CNOT1: variants seen among roughly 807,000 people sequenced by gnomAD.
The protein encoded by CNOT1 is CCR4-NOT transcription complex subunit 1.
Under a neutral mutation model 273.8 loss-of-function variants are expected in CNOT1, and 15 were observed. That is an observed-to-expected ratio of 0.05 (90% CI 0.04 to 0.08). The LOEUF (loss-of-function observed/expected upper bound fraction) is 0.08, where lower values mean the gene tolerates loss of function less well. CNOT1 is among the 10% of genes least tolerant of loss of function. The pLI, the probability that CNOT1 is intolerant of heterozygous loss-of-function variation, is 1.00. For synonymous variants in CNOT1, 1,022 were observed against 1,005.5 expected (o/e 1.02, Z -0.31); for missense variants, 1,644 against 2,912.2 (o/e 0.56, Z 10.02).
Position 58,560,376 on chromosome 16 carries a change from G to GA in CNOT1, c.1980-15dup. 5.0e-6 allele frequency: 8 copies of GA among 1,608,482 alleles called. No individual in the cohort carries two copies. Among genetic ancestry groups the GA allele is most frequent in the Non-Finnish European group, 6.8e-6 (8 of 1,178,300 alleles). ...TGAGAAACACTCCTAAAATAGAGGG[G>GA]AAAAGGTAAAAAATATCAGTTCCTA... On this transcript the variant is annotated splice_polypyrimidine_tract_variant and intron_variant, in intron 16 of 48. Coordinates refer to ENST00000317147, the MANE Select transcript of CNOT1 (RefSeq NM_016284.5).
At chr16:58,542,591 G>A (rs1370760498) in intron 31 of CNOT1, 23 bp from the exon 32 acceptor site, 5 of 1,468,998 alleles carry the variant, frequency 3.4e-6, no homozygotes, top group Non-Finnish European at 2.8e-6. Context: ...GTGGGTGGGG[G>A]GGTGGGGGGA....
At chr16:58,598,795 C>T (rs528966077) in intron 2 of CNOT1, among the ~76,000 whole-genome samples, 21 of 152,118 alleles carry the variant, frequency 1.4e-4, no homozygotes, top group African/African-American at 4.8e-4. Flanking sequence ...GGCGTGGTGG[C>T]TCACGCCTGT....
chr16:58,521,694 T>C (rs2039380973), intron 47 of CNOT1, among the ~76,000 whole-genome samples: 2 of 152,204 alleles, frequency 1.3e-5, no homozygotes, highest in Admixed American at 6.5e-5. Context: ...GGCTCATGCC[T>C]GTAATCCAGC....
Position 58,599,442 on chromosome 16 carries a change from T to C in CNOT1, c.-105A>G, listed in dbSNP as rs1219894869. The C allele has an allele frequency of 2.2e-6, 3 of 1,343,046 alleles. No individual in the cohort carries two copies. Among genetic ancestry groups the C allele is most frequent in the African/African-American group, 1.4e-5 (1 of 69,312 alleles). 83.2% of individuals were successfully genotyped at this position (1,343,046 alleles called of 1,614,324 possible). ...TAATGCTTTCTTTGTAATTAGGCTA[T>C]ATCTGGTATCTGTATAATATCTTCA... On this transcript the variant is annotated 5_prime_UTR_variant, in exon 2 of 49. It adds an upstream start codon to the 5' untranslated region. Coordinates refer to ENST00000317147, the MANE Select transcript of CNOT1 (RefSeq NM_016284.5).
At chr16:58,555,981 A>G in intron 19 of CNOT1, 73 bp from the exon 20 acceptor site, 1 of 1,584,798 alleles carries the variant, frequency 6.3e-7, no homozygotes, top group African/African-American at 1.3e-5. Context: ...ACAGCCAGCC[A>G]GAGACTATTA....
intron 1 of CNOT1, among the ~76,000 whole-genome samples, chr16:58,604,021 G>GA (rs2042575593): frequency 6.6e-6 from 1 of 152,156 alleles, no homozygotes; most frequent in Non-Finnish European, 1.5e-5. Context: ...GATATAAATT[G>GA]AAGCTTAGGA....
chr16:58,520,950 A>G lies in CNOT1; in HGVS notation c.*8T>C, dbSNP rs1020553893. ...AGACTGACACGTACAACAGAGATGCAGTTTCGTCTAACTGGCACCTGTCCC... is the reference window on the plus strand; with the variant it reads ...AGACTGACACGTACAACAGAGATGCGGTTTCGTCTAACTGGCACCTGTCCC... On this transcript the variant is annotated 3_prime_UTR_variant, in exon 49 of 49. Coordinates refer to ENST00000317147, the MANE Select transcript of CNOT1 (RefSeq NM_016284.5). 2 of 1,612,576 alleles carry G rather than the reference A, an allele frequency of 1.2e-6. No homozygotes were observed. The highest frequency in any genetic ancestry group is 1.3e-5 in the African/African-American group (1 of 74,992).
chr16:58,598,506 T>C (rs9788798), intron 2 of CNOT1, among the ~76,000 whole-genome samples: 59,030 of 150,264 alleles, frequency 0.39, 12,890 homozygotes, highest in African/African-American at 0.59. Flanking sequence ...GACAAGGAGG[T>C]TGCAGTGAGC....
At chr16:58,562,756 G>A (rs1368668162) in intron 16 of CNOT1, among the ~76,000 whole-genome samples, 1 of 152,102 alleles carries the variant, frequency 6.6e-6, no homozygotes, top group East Asian at 1.9e-4. Context: ...CCGGGAGGCA[G>A]AGGATGCAAT....
intron 1 of CNOT1, among the ~76,000 whole-genome samples, chr16:58,600,909 A>T (rs2042437008): frequency 1.3e-5 from 2 of 152,170 alleles, no homozygotes; most frequent in Non-Finnish European, 2.9e-5. Context: ...GAGTCTGAGA[A>T]AAGCCTAAGC....
chr16:58,575,636 T>C (rs1437706250), intron 14 of CNOT1, among the ~76,000 whole-genome samples: 1 of 151,872 alleles, frequency 6.6e-6, no homozygotes, highest in Non-Finnish European at 1.5e-5. Context: ...CTGTCTCTAC[T>C]AAAAATAAAA....
intron 1 of CNOT1, among the ~76,000 whole-genome samples, chr16:58,610,871 C>CA (rs2042874056): frequency 6.7e-6 from 1 of 149,514 alleles, no homozygotes; most frequent in Middle Eastern, 3.2e-3. Flanking sequence ...CAAAACAAAA[C>CA]AAAAAATACA....
Position 58,555,262 on chromosome 16 carries a change from T to A in CNOT1, c.2880A>T (p.Arg960Ser). The change falls in exon 21 of 49, where the codon AGA (arginine) becomes AGT (serine). Residue 960 changes from arginine to serine, a missense_variant. Physicochemically the swap from Arg to Ser is moderately radical, Grantham distance 110. This residue lies in a region of CNOT1 where 74 missense variants were observed against 184.6 expected (regional missense o/e 0.40). Coordinates refer to ENST00000317147, the MANE Select transcript of CNOT1 (RefSeq NM_016284.5). ...ACCTATCCACTTACCTGTTTTTAAA[T>A]CTATCTAGTGCAGCAATCCCGAAAT... Reference protein sequence around the residue: ...MYYFGIAALDRFKNRLKDYPQ... With the variant: ...MYYFGIAALDSFKNRLKDYPQ... 5 of 1,613,976 alleles carry A rather than the reference T, an allele frequency of 3.1e-6. No individual in the cohort carries two copies. The highest frequency in any genetic ancestry group is 4.2e-6 in the Non-Finnish European group (5 of 1,179,986).
chr16:58,618,917 G>A (rs2043196613), intron 1 of CNOT1, among the ~76,000 whole-genome samples: 1 of 152,168 alleles, frequency 6.6e-6, no homozygotes, highest in Non-Finnish European at 1.5e-5. Context: ...TCCACGCCAG[G>A]CATGGTGGCT....
Position 58,534,214 on chromosome 16 carries a change from A to G in CNOT1, c.5828T>C (p.Ile1943Thr). 6.2e-7 allele frequency: 1 copy of G among 1,614,204 alleles called. No homozygotes were observed. The highest frequency in any genetic ancestry group is 8.5e-7 in the Non-Finnish European group (1 of 1,180,030). ...CCCTGAGTGTTTCACGAGCAGTGCA[A>G]TGAGTCGAACAAAGGCATCCAGGTT... ...YHNLDAFVRL[I>T]ALLVKHSGEA... Residue 1943 changes from isoleucine to threonine, a missense_variant, in exon 40 of 49, where the codon ATT becomes ACT. Coordinates refer to ENST00000317147, the MANE Select transcript of CNOT1 (RefSeq NM_016284.5).
intron 4 of CNOT1, 22 bp downstream of exon 4, chr16:58,587,756 CTT>C (rs1315138622): frequency 3.7e-6 from 6 of 1,609,148 alleles, no homozygotes; most frequent in Non-Finnish European, 5.1e-6. Flanking sequence ...AGATCACACT[CTT>C]AAAGATAATA....
At position 58,521,185 on chromosome 16, in the gene CNOT1, T is replaced by C. The variant is rs1440321266; in HGVS notation, c.7050A>G (p.Glu2350=). The C allele has an allele frequency of 6.2e-7, 1 of 1,613,192 alleles. No homozygotes were observed. The highest frequency in any genetic ancestry group is 2.2e-5 in the East Asian group (1 of 44,892). ...HEFVHCAPEI[E]KLFQSVAQCC... Reference sequence around the variant, plus strand: ...ATTAAAAATTACTTTGAACTCACTTTTCGATTTCTGGGGCACAGTGTACAA... The same window carrying C: ...ATTAAAAATTACTTTGAACTCACTTCTCGATTTCTGGGGCACAGTGTACAA... The change falls in exon 48 of 49, where the codon GAA becomes GAG. Residue 2350 remains glutamate, a splice_region_variant and synonymous_variant. Transcript: ENST00000317147.
chr16:58,620,643 C>CT (rs1389020491), intron 1 of CNOT1, among the ~76,000 whole-genome samples: 3 of 111,208 alleles, frequency 2.7e-5, no homozygotes, highest in Non-Finnish European at 3.4e-5. Flanking sequence ...AGCGAAGACT[C>CT]TGTCTCATTT....
At chr16:58,626,406 C>CAAAAAAAAAA (rs34556623) in intron 1 of CNOT1, among the ~76,000 whole-genome samples, 1 of 60,960 alleles carries the variant, frequency 1.6e-5, no homozygotes, top group Non-Finnish European at 2.8e-5. Context: ...GACTGCGTCT[C>CAAAAAAAAAA]AAAAAAAAAA....
Sources: gnomAD v4.1 joint callset for allele counts (sites outside exome capture counted in the v4.1 genomes callset) on GRCh38, gnomAD v4.1.1 for gene constraint, gnomAD v4.1.1 regional missense constraint, MANE v1.5 for transcripts, NCBI Gene and HGNC (gene_info 2026-07-23, HGNC 2026-07-21) for gene names.